The following RSU1 variants were observed in gnomAD, a reference collection of about 807,000 sequenced individuals.
The protein encoded by RSU1 is Ras suppressor protein 1.
RSU1 carries 26 observed loss-of-function variants against 31.1 expected under a neutral mutation model. The observed-to-expected ratio is 0.84, with a 90% CI of 0.61 to 1.16. The LOEUF (loss-of-function observed/expected upper bound fraction) is 1.16, where lower values mean the gene tolerates loss of function less well. Among genes scored for constraint, RSU1 ranks in the 50% most tolerant of loss-of-function variants. The probability of loss-of-function intolerance (pLI) is 0.00; values close to 1 mark genes in which losing one functional copy is unlikely to be tolerated. For synonymous variants in RSU1, 164 were observed against 136.3 expected, an observed-to-expected ratio of 1.20 and a Z score of -1.41; for missense variants, 320 against 339.1, an observed-to-expected ratio of 0.94 and a Z score of 0.44.
intron 4 of RSU1, among the ~76,000 whole-genome samples, chr10:16,763,527 T>A (rs569053222): frequency 5.9e-5 from 9 of 152,206 alleles, no homozygotes; most frequent in African/African-American, 1.9e-4. Context: ...TCAGGAGAGC[T>A]CCGCCCCCAG....
At position 16,752,464 on chromosome 10, in the gene RSU1, T is replaced by C. The variant is rs145193091; in HGVS notation, c.598+75A>G. The C allele has an allele frequency of 1.3e-5, 14 of 1,043,664 alleles. No individual in the cohort carries two copies. The African/African-American group carries it at 1.6e-4, about 12-fold the overall frequency. 64.7% of individuals were successfully genotyped at this position (1,043,664 alleles called of 1,614,324 possible). ...GTAGTTGCCAAGAAGAGGACAGAGG[T>C]TGTTCAGAATTGCTACATTAGGATA... On this transcript the variant is annotated intron_variant, in intron 7 of 8. Coordinates refer to ENST00000345264, the MANE Select transcript of RSU1 (RefSeq NM_012425.4).
chr10:16,640,107 A>G (rs1834414946), intron 8 of RSU1, among the ~76,000 whole-genome samples: 1 of 152,128 alleles, frequency 6.6e-6, no homozygotes, highest in Non-Finnish European at 1.5e-5. Context: ...AATCAGAAAA[A>G]TTATGACAGG....
chr10:16,613,641 G>A (rs964542602), intron 8 of RSU1, among the ~76,000 whole-genome samples: 1 of 152,322 alleles, frequency 6.6e-6, no homozygotes. Flanking sequence ...ACTTGGCTGG[G>A]AATGTTCCCT....
intron 7 of RSU1, among the ~76,000 whole-genome samples, chr10:16,731,399 G>C (rs1414414804): frequency 3.4e-5 from 5 of 147,494 alleles, no homozygotes; most frequent in African/African-American, 1.0e-4. Flanking sequence ...CACTGCACTC[G>C]AGCCTGGGCG....
chr10:16,814,224 G>C (rs539853348), intron 2 of RSU1, among the ~76,000 whole-genome samples: 6 of 152,192 alleles, frequency 3.9e-5, no homozygotes, highest in Non-Finnish European at 7.4e-5. Flanking sequence ...GGCACTCCTT[G>C]AGCCCAGGAG....
intron 8 of RSU1, among the ~76,000 whole-genome samples, chr10:16,677,262 C>T (rs943019451): frequency 6.6e-6 from 1 of 152,092 alleles, no homozygotes; most frequent in Non-Finnish European, 1.5e-5. Flanking sequence ...GATGACTGTC[C>T]GTTTTCTCGT....
chr10:16,724,251 C>A (rs2131593804), intron 7 of RSU1, among the ~76,000 whole-genome samples: 1 of 152,258 alleles, frequency 6.6e-6, no homozygotes, highest in African/African-American at 2.4e-5. Context: ...CTGAGACATG[C>A]AGTTAAACAG....
intron 8 of RSU1, among the ~76,000 whole-genome samples, chr10:16,604,875 G>C (rs11254105): frequency 0.19 from 28,869 of 152,028 alleles, 3,071 homozygotes; most frequent in African/African-American, 0.3. Context: ...GGCCTCACAT[G>C]GGAGCTCAAA....
chr10:16,684,375 T>C (rs1184745946), intron 8 of RSU1, among the ~76,000 whole-genome samples: 2 of 152,154 alleles, frequency 1.3e-5, no homozygotes, highest in Non-Finnish European at 2.9e-5. Context: ...ACTCTCTAGA[T>C]ACGAATTTTG....
At chr10:16,652,728 G>A (rs1402224520) in intron 8 of RSU1, among the ~76,000 whole-genome samples, 1 of 152,094 alleles carries the variant, frequency 6.6e-6, no homozygotes, top group Non-Finnish European at 1.5e-5. Flanking sequence ...TGCCACCCAG[G>A]CTGGAGTGCA....
At chr10:16,691,837 C>G (rs1034562360) in intron 8 of RSU1, among the ~76,000 whole-genome samples, 21 of 149,644 alleles carry the variant, frequency 1.4e-4, no homozygotes, top group African/African-American at 4.9e-4. Flanking sequence ...CTCTCAGGTT[C>G]AAGCGATTCT....
chr10:16,709,207 C>T (rs1835967963), intron 7 of RSU1, among the ~76,000 whole-genome samples: 1 of 150,550 alleles, frequency 6.6e-6, no homozygotes, highest in Non-Finnish European at 1.5e-5. Context: ...CATGTGTTCT[C>T]ATTGTTCAAT....
At chr10:16,790,526 G>C (rs532031321) in intron 2 of RSU1, among the ~76,000 whole-genome samples, 1 of 152,170 alleles carries the variant, frequency 6.6e-6, no homozygotes, top group Admixed American at 6.5e-5. Context: ...TTAGGGTAGA[G>C]AGTACACCAT....
chr10:16,678,388 G>C (rs183414988), intron 8 of RSU1, among the ~76,000 whole-genome samples: 13 of 152,316 alleles, frequency 8.5e-5, no homozygotes, highest in African/African-American at 3.1e-4. Context: ...GATGGTCCAT[G>C]CATTAAGCGA....
At chr10:16,676,971 C>G (rs1835246113) in intron 8 of RSU1, among the ~76,000 whole-genome samples, 1 of 152,174 alleles carries the variant, frequency 6.6e-6, no homozygotes, top group African/African-American at 2.4e-5. Flanking sequence ...AGTAGGAATA[C>G]TGTTAGGGAC....
At chr10:16,707,570 GTT>G (rs59600318) in intron 7 of RSU1, among the ~76,000 whole-genome samples, 4 of 142,076 alleles carry the variant, frequency 2.8e-5, no homozygotes, top group African/African-American at 5.1e-5. Context: ...TCTTAATCAG[GTT>G]TTTTTTTTTT....
At chr10:16,676,053 G>A (rs1239459155) in intron 8 of RSU1, among the ~76,000 whole-genome samples, 1 of 152,206 alleles carries the variant, frequency 6.6e-6, no homozygotes, top group East Asian at 1.9e-4. Flanking sequence ...AGAAAAGCCA[G>A]GAGTCCATCC....
chr10:16,810,667 C>G (rs551763091), intron 2 of RSU1, among the ~76,000 whole-genome samples: 1 of 152,146 alleles, frequency 6.6e-6, no homozygotes, highest in Middle Eastern at 3.2e-3. Context: ...CCATCACCAA[C>G]GTTTCCAAGA....
intron 8 of RSU1, among the ~76,000 whole-genome samples, chr10:16,616,759 C>G (rs112571209): frequency 4.6e-5 from 7 of 152,328 alleles, no homozygotes; most frequent in African/African-American, 1.4e-4. Flanking sequence ...GAATCAAGGA[C>G]AAACACCACA....
Sources: gnomAD v4.1 joint callset for allele counts (sites outside exome capture counted in the v4.1 genomes callset) on GRCh38, gnomAD v4.1.1 for gene constraint, MANE v1.5 for transcripts, NCBI Gene and HGNC (gene_info 2026-07-23, HGNC 2026-07-21) for gene names.